SORCS2: variants seen among roughly 807,000 people sequenced by gnomAD.
SORCS2 encodes the protein sortilin related VPS10 domain containing receptor 2, also known as VPS10 domain-containing receptor SorCS2.
A neutral mutation model predicts 141.6 loss-of-function variants in SORCS2; 100 were observed. The observed-to-expected ratio is 0.71, with a 90% confidence interval of 0.60 to 0.83. The LOEUF is 0.83. Among genes scored for constraint, SORCS2 ranks in the 40% least tolerant of loss-of-function variants. The probability of loss-of-function intolerance (pLI) is 0.00; values close to 1 mark genes in which losing one functional copy is unlikely to be tolerated. For synonymous variants in SORCS2, 789 were observed against 676.9 expected, an observed-to-expected ratio of 1.17 and a Z score of -2.57; for missense variants, 1,646 against 1,560.2, an observed-to-expected ratio of 1.05 and a Z score of -0.93.
chr4:7,410,785 A>G (rs1290088536), intron 2 of SORCS2, among the ~76,000 whole-genome samples: 1 of 151,766 alleles, frequency 6.6e-6, no homozygotes, highest in Non-Finnish European at 1.5e-5. Context: ...TATTCAATAA[A>G]TAATTCACTG....
intron 1 of SORCS2, among the ~76,000 whole-genome samples, chr4:7,322,494 G>A (rs1469862042): frequency 1.3e-5 from 2 of 152,188 alleles, no homozygotes; most frequent in Non-Finnish European, 2.9e-5. Context: ...CCTCATCTCC[G>A]CTCTACCAGG....
At chr4:7,673,851 C>G (rs1279793431) in intron 8 of SORCS2, among the ~76,000 whole-genome samples, 3 of 152,206 alleles carry the variant, frequency 2.0e-5, no homozygotes, top group African/African-American at 4.8e-5. Flanking sequence ...TCAGTCCCCC[C>G]ACCACCCCTG....
At chr4:7,709,524 T>A (rs1725689323) in intron 14 of SORCS2, among the ~76,000 whole-genome samples, 1 of 152,234 alleles carries the variant, frequency 6.6e-6, no homozygotes, top group Admixed American at 6.5e-5. Flanking sequence ...GACCCCCTGG[T>A]TCACAGTGCT....
intron 1 of SORCS2, among the ~76,000 whole-genome samples, chr4:7,246,476 C>T (rs1399663244): frequency 6.8e-6 from 1 of 145,998 alleles, no homozygotes. Context: ...AATGAACCCA[C>T]ACGTCTCACC....
At chr4:7,405,448 G>A (rs1577509525) in intron 2 of SORCS2, among the ~76,000 whole-genome samples, 1 of 152,118 alleles carries the variant, frequency 6.6e-6, no homozygotes, top group Non-Finnish European at 1.5e-5. Context: ...TGGAATGTAT[G>A]GTCATTTTAA....
chr4:7,457,308 G>A lies in SORCS2; in HGVS notation c.548+60953G>A, dbSNP rs73091595. ...GACTTTATCCCTGAAAGGACATGCA[G>A]CCAGGCCTGGAGGCAGAGGCCAGGA... On this transcript the variant is annotated intron_variant, in intron 2 of 26. Transcript: ENST00000507866. Among the ~76,000 whole-genome samples the A allele has an allele frequency of 4.8e-3, 732 of 152,328 alleles. 7 individuals carry two copies. The highest frequency in any genetic ancestry group is 0.017 in the African/African-American group (703 of 41,584).
At chr4:7,379,071 T>C (rs1722830556) in intron 1 of SORCS2, among the ~76,000 whole-genome samples, 1 of 152,208 alleles carries the variant, frequency 6.6e-6, no homozygotes, top group South Asian at 2.1e-4. Flanking sequence ...AAAGCAGATG[T>C]CCTGGGTTAT....
intron 3 of SORCS2, among the ~76,000 whole-genome samples, chr4:7,621,611 T>C (rs1272913522): frequency 1.3e-5 from 2 of 152,036 alleles, no homozygotes; most frequent in Non-Finnish European, 2.9e-5. Flanking sequence ...GTGTGTGTAT[T>C]TTGGGGGTGG....
At chr4:7,355,823 A>G (rs1270887798) in intron 1 of SORCS2, among the ~76,000 whole-genome samples, 1 of 152,240 alleles carries the variant, frequency 6.6e-6, no homozygotes, top group African/African-American at 2.4e-5. Flanking sequence ...TTGCTTCCAA[A>G]TGTGCTGTGC....
chr4:7,543,784 T>TCATCCATC (rs771822077), intron 3 of SORCS2, among the ~76,000 whole-genome samples: 2,799 of 13,436 alleles, frequency 0.21, 358 homozygotes, highest in East Asian at 0.3. Flanking sequence ...ATCCATCCAC[T>TCATCCATC]CATCCATCCA....
chr4:7,305,904 A>T (rs914531985), intron 1 of SORCS2, among the ~76,000 whole-genome samples: 2 of 152,058 alleles, frequency 1.3e-5, no homozygotes, highest in Non-Finnish European at 2.9e-5. Context: ...ACAAACACTT[A>T]TGGGTGCAAA....
intron 7 of SORCS2, among the ~76,000 whole-genome samples, chr4:7,665,659 CT>C (rs1239614356): frequency 6.6e-6 from 1 of 152,158 alleles, no homozygotes; most frequent in Non-Finnish European, 1.5e-5. Flanking sequence ...CCATTTACTC[CT>C]TTTGTCCCTA....
intron 1 of SORCS2, among the ~76,000 whole-genome samples, chr4:7,377,032 C>G (rs1368310543): frequency 6.6e-6 from 1 of 152,062 alleles, no homozygotes; most frequent in African/African-American, 2.4e-5. Flanking sequence ...AGTTTATAGT[C>G]TCATGGAGGA....
chr4:7,553,094 G>C (rs943321468), intron 3 of SORCS2, among the ~76,000 whole-genome samples: 5 of 152,140 alleles, frequency 3.3e-5, no homozygotes, highest in Admixed American at 2.0e-4. Context: ...TGTGGAGGGG[G>C]CGCTAAGCAG....
intron 3 of SORCS2, among the ~76,000 whole-genome samples, chr4:7,636,128 A>G (rs1720232266): frequency 6.6e-6 from 1 of 152,124 alleles, no homozygotes; most frequent in South Asian, 2.1e-4. Flanking sequence ...ATCCAGCCCC[A>G]CGCGAGGCCC....
At chr4:7,699,796 A>C (rs6446612) in intron 12 of SORCS2, among the ~76,000 whole-genome samples, 76,137 of 151,638 alleles carry the variant, frequency 0.5, 20,111 homozygotes, top group East Asian at 0.74. Context: ...GGTGAGGGAG[A>C]CTCGCTTCTC....
intron 1 of SORCS2, among the ~76,000 whole-genome samples, chr4:7,244,717 C>T (rs1262001065): frequency 6.6e-6 from 1 of 152,232 alleles, no homozygotes; most frequent in Non-Finnish European, 1.5e-5. Flanking sequence ...CCTACCCTGA[C>T]TCCCACCTAC....
chr4:7,273,502 G>GGA (rs1379073047), intron 1 of SORCS2, among the ~76,000 whole-genome samples: 1 of 152,108 alleles, frequency 6.6e-6, no homozygotes, highest in South Asian at 2.1e-4. Context: ...TGAGGCAGAG[G>GGA]GAGAGAGAGA....
intron 4 of SORCS2, among the ~76,000 whole-genome samples, chr4:7,644,015 G>T (rs770719892): frequency 6.6e-6 from 1 of 152,176 alleles, no homozygotes; most frequent in Non-Finnish European, 1.5e-5. Context: ...ATCTGCTGGG[G>T]CTCAGGGCAG....
Sources: allele counts gnomAD v4.1 joint callset (sites outside exome capture counted in the v4.1 genomes callset), GRCh38; gene constraint gnomAD v4.1.1; transcripts MANE v1.5; gene names NCBI Gene and HGNC (gene_info 2026-07-23, HGNC 2026-07-21).